COL6A3: variants seen among roughly 807,000 people sequenced by gnomAD.
COL6A3 encodes collagen type VI alpha 3 chain.
COL6A3 carries 137 observed loss-of-function variants against 274.1 expected under a neutral mutation model. The ratio of observed to expected loss-of-function variants is 0.50; its 90% CI spans 0.44 to 0.58. The LOEUF (loss-of-function observed/expected upper bound fraction) is 0.58. Among genes scored for constraint, COL6A3 ranks in the 20% least tolerant of loss-of-function variants. The pLI is 0.00. For synonymous variants in COL6A3, 1,650 were observed against 1,650.6 expected (o/e 1.00, Z 0.01); for missense variants, 3,950 against 4,124.9 (o/e 0.96, Z 1.16).
intron 30 of COL6A3, 52 bp from the exon 31 acceptor site, chr2:237,347,921 A>C: frequency 6.5e-4 from 979 of 1,517,178 alleles, no homozygotes; most frequent in Non-Finnish European, 8.1e-4. Context: ...AGAAGATCTC[A>C]CTGAGGGTCC....
intron 42 of COL6A3, among the ~76,000 whole-genome samples, chr2:237,331,836 C>T (rs1700243945): frequency 6.6e-6 from 1 of 151,212 alleles, no homozygotes; most frequent in Non-Finnish European, 1.5e-5. Context: ...AGAGGACATT[C>T]ACATCCTGGG....
Position 237,339,067 on chromosome 2 carries a change from A to G in COL6A3, c.8515T>C (p.Phe2839Leu), listed in dbSNP as rs1212048474. 2 of 1,614,156 alleles carry G rather than the reference A, an allele frequency of 1.2e-6. No homozygotes were observed. Residue 2839 changes from phenylalanine to leucine, a missense_variant, in exon 39 of 44, where the codon TTC (phenylalanine) becomes CTC (leucine). Phe to Leu is a conservative substitution (Grantham distance 22). Around this residue, in one of 5 missense-constraint regions of COL6A3, gnomAD observed 1,284 missense variants for 1,349.7 expected, o/e 0.95. Transcript: ENST00000295550. ...SPDIRKQCDW[F>L]QGDQPTKNLV... ...TTCTTTGTGGGTTGGTCCCCTTGGAACCAATCACACTGTTTCCTGATATCT... is the reference window on the plus strand; with the variant it reads ...TTCTTTGTGGGTTGGTCCCCTTGGAGCCAATCACACTGTTTCCTGATATCT...
In COL6A3 at chr2:237,371,593, G is replaced by A; in HGVS notation, c.4285+139C>T. On this transcript the variant is annotated intron_variant, in intron 9 of 43. Coordinates refer to ENST00000295550, the MANE Select transcript of COL6A3 (RefSeq NM_004369.4). This position sits in a 1 kb window ranked among gnomAD's most constrained non-coding sequence, Gnocchi z 4.3. The stretch of plus-strand genomic sequence containing the variant: ...AGCCTGGACGACAGAGCCAGACCCT[G>A]TCTCAAAATAAAAACCATAAAGGTA... 1 of 1,486,482 alleles carries A rather than the reference G, an allele frequency of 6.7e-7. No homozygotes were observed. Among genetic ancestry groups the A allele is most frequent in the Non-Finnish European group, 8.9e-7 (1 of 1,125,980 alleles). The allele number at this position is 1,486,482 out of a possible 1,614,324, so 92.1% of individuals were successfully genotyped here. A position where few individuals can be genotyped will look rare whatever the true frequency, so the allele number is the denominator to read the frequency against.
intron 42 of COL6A3, chr2:237,327,711 G>A (rs1413164366): frequency 1.3e-5 from 2 of 152,074 alleles, no homozygotes; most frequent in Admixed American, 1.3e-4. Flanking sequence ...CATGAAAACG[G>A]AGGATTTTAT....
At chr2:237,373,896 G>T (rs1441339146) in intron 8 of COL6A3, among the ~76,000 whole-genome samples, 1 of 152,158 alleles carries the variant, frequency 6.6e-6, no homozygotes, top group East Asian at 1.9e-4. Flanking sequence ...TGGCCTTCCT[G>T]CCAGTTAAGA....
At chr2:237,347,890 T>C in intron 30 of COL6A3, 21 bp from the exon 31 acceptor site, 1 of 1,601,990 alleles carries the variant, frequency 6.2e-7, no homozygotes, top group Non-Finnish European at 8.5e-7. Context: ...AGCCGAGAAG[T>C]GGCACAGTAA....
At position 237,359,245 on chromosome 2, in the gene COL6A3, T is replaced by G. The variant is rs1235042491; in HGVS notation, c.6315A>C (p.Glu2105Asp). ...GSRGFPGEKG[E>D]VGEIGLDGLD... ...GACCATCCAGTCCAATTTCTCCTAC[T>G]TCGCCCTAAGAGGGAATAAGGCGGA... is the stretch of plus-strand genomic sequence containing the variant. The change falls in exon 19 of 44, where the codon GAA becomes GAC. Residue 2105 changes from glutamate to aspartate, a missense_variant. Transcript: ENST00000295550. 1 of 1,614,128 alleles carries G rather than the reference T, an allele frequency of 6.2e-7. No homozygotes were observed. The highest frequency in any genetic ancestry group is 8.5e-7 in the Non-Finnish European group (1 of 1,180,056).
intron 14 of COL6A3, among the ~76,000 whole-genome samples, chr2:237,362,397 A>C (rs2077456647): frequency 6.6e-6 from 1 of 152,152 alleles, no homozygotes; most frequent in African/African-American, 2.4e-5. Context: ...CACCCTCTAC[A>C]TTCTCATCCC....
At chr2:237,376,184 T>G (rs529366141) in intron 7 of COL6A3, among the ~76,000 whole-genome samples, 1 of 152,182 alleles carries the variant, frequency 6.6e-6, no homozygotes, top group Non-Finnish European at 1.5e-5. Context: ...GGAGTCTTCA[T>G]TTTTCATCAA....
At chr2:237,376,670 C>G in intron 7 of COL6A3, 102 bp downstream of exon 7, 1 of 1,183,290 alleles carries the variant, frequency 8.5e-7, no homozygotes, top group Non-Finnish European at 1.3e-6. Flanking sequence ...TTCCTGTAAA[C>G]TCAAGGAGGG....
chr2:237,357,367 G>A lies in COL6A3; in HGVS notation c.6562C>T (p.Pro2188Ser). The A allele has an allele frequency of 3.7e-6, 6 of 1,614,000 alleles. No homozygotes were observed. The highest frequency in any genetic ancestry group is 4.2e-6 in the Non-Finnish European group (5 of 1,179,854). Residue 2188 changes from proline to serine, a missense_variant, in exon 23 of 44, where the codon CCT becomes TCT. Transcript: ENST00000295550. ...TTCCCAGTTTCTCCAGGTCCTCCAG[G>A]TACTCCATCTCTCCCTGGGACACCC... The part of the protein sequence containing the change: ...PMGVPGRDGV[P>S]GGPGETGKNG...
intron 28 of COL6A3, among the ~76,000 whole-genome samples, chr2:237,349,091 C>T (rs2077153494): frequency 1.3e-5 from 2 of 151,840 alleles, no homozygotes; most frequent in South Asian, 2.1e-4. Flanking sequence ...AGGTCATATT[C>T]CCCCTCCCCA....
At chr2:237,333,896 T>C (rs1347188163) in intron 41 of COL6A3, among the ~76,000 whole-genome samples, 1 of 152,270 alleles carries the variant, frequency 6.6e-6, no homozygotes, top group African/African-American at 2.4e-5. Context: ...TGGTGGGAAT[T>C]CCCTTTCCTC....
In COL6A3 at chr2:237,371,623, CAT is replaced by C. The variant is rs2077688286; in HGVS notation, c.4285+107_4285+108del. The C allele has an allele frequency of 1.3e-6, 2 of 1,507,986 alleles. No individual in the cohort carries two copies. Among genetic ancestry groups the C allele is most frequent in the Non-Finnish European group, 8.8e-7 (1 of 1,134,852 alleles). 93.4% of individuals were successfully genotyped at this position (1,507,986 alleles called of 1,614,324 possible). ...AAAATAAAAACCATAAAGGTAAGGG[CAT>C]ACAACCTTTATTTTAATTTAATTTA... is the stretch of plus-strand genomic sequence containing the variant. On this transcript the variant is annotated intron_variant, in intron 9 of 43. Transcript: ENST00000295550. This position sits in a 1 kb window ranked among gnomAD's most constrained non-coding sequence, Gnocchi z 4.3.
At chr2:237,360,244 T>C (rs1351779806) in intron 16 of COL6A3, 85 bp from the exon 17 acceptor site, 2 of 1,297,252 alleles carry the variant, frequency 1.5e-6, no homozygotes, top group East Asian at 2.4e-5. Flanking sequence ...TAAAGGGTAC[T>C]GTGAACAGCA....
chr2:237,392,144 C>A (rs565002097), intron 3 of COL6A3, among the ~76,000 whole-genome samples: 2 of 152,292 alleles, frequency 1.3e-5, no homozygotes, highest in East Asian at 1.9e-4. Flanking sequence ...GCACTGCCAG[C>A]CCCGTTAAAG....
chr2:237,359,300 A>G (rs1341910853), intron 18 of COL6A3, 50 bp from the exon 19 acceptor site: 2 of 1,614,106 alleles, frequency 1.2e-6, no homozygotes, highest in East Asian at 4.5e-5. Context: ...ATTCTGGCAA[A>G]GGAAGAAATG....
Position 237,364,465 on chromosome 2 carries a change from A to C in COL6A3, c.5839-37T>G, listed in dbSNP as rs772597555. On this transcript the variant is annotated intron_variant, in intron 12 of 43. Coordinates refer to ENST00000295550, the MANE Select transcript of COL6A3 (RefSeq NM_004369.4). The surrounding 1 kb of genome is among the most constrained non-coding windows in gnomAD (Gnocchi z 4.6). Reference sequence around the variant, plus strand: ...AGAGCTGTCAAATCCCAGGAAAACTAAAAAGGAGTGTTGCAGACTGCTGAT... The same window carrying C: ...AGAGCTGTCAAATCCCAGGAAAACTCAAAAGGAGTGTTGCAGACTGCTGAT... 1 of 1,517,752 alleles carries C rather than the reference A, an allele frequency of 6.6e-7. No individual in the cohort carries two copies. Among genetic ancestry groups the C allele is most frequent in the Non-Finnish European group, 9.1e-7 (1 of 1,092,988 alleles). 94.0% of individuals were successfully genotyped at this position (1,517,752 alleles called of 1,614,324 possible).
Position 237,381,489 on chromosome 2 carries a change from G to A in COL6A3, c.1323C>T (p.Val441=), listed in dbSNP as rs1413996713. 6.2e-7 allele frequency: 1 copy of A among 1,601,744 alleles called. No homozygotes were observed. The highest frequency in any genetic ancestry group is 1.3e-5 in the African/African-American group (1 of 74,898). ...CCAGGAAGACTATGTCTCTCTTGTT[G>A]ACTTCAATGACTGTAGGTGGCAACA... ...PPTIVTQVIE[V]NKRDIVFLVD... is the part of the protein sequence containing the mutation. Residue 441 remains valine (V), a synonymous_variant, in exon 5 of 44, where the codon GTC becomes GTT. Coordinates refer to ENST00000295550, the MANE Select transcript of COL6A3 (RefSeq NM_004369.4).
Sources: gnomAD v4.1 joint callset for allele counts (sites outside exome capture counted in the v4.1 genomes callset) on GRCh38, gnomAD v4.1.1 for gene constraint, gnomAD v4.1.1 regional missense constraint, Gnocchi (gnomAD v3.1) non-coding constraint, MANE v1.5 for transcripts, NCBI Gene and HGNC (gene_info 2026-07-23, HGNC 2026-07-21) for gene names.